Variants in NTAQ1 observed in about 807,000 individuals in gnomAD.
The protein encoded by NTAQ1 is protein N-terminal glutamine amidohydrolase.
A neutral mutation model predicts 28.2 loss-of-function variants in NTAQ1; 21 were observed. The ratio of observed to expected loss-of-function variants is 0.74; its 90% CI spans 0.53 to 1.07. NTAQ1 has a LOEUF of 1.07. Among genes scored for constraint, NTAQ1 ranks in the 50% least tolerant of loss-of-function variants. The pLI is 0.00. For missense variants in NTAQ1, 264 were observed against 256.6 expected (o/e 1.03, Z -0.20); for synonymous variants, 105 against 90.0 (o/e 1.17, Z -0.94).
chr8:123,430,080 C>T, intron 3 of NTAQ1, 47 bp downstream of exon 3: 1 of 1,464,230 alleles, frequency 6.8e-7, no homozygotes, highest in South Asian at 1.2e-5. Flanking sequence ...GACTTGTAAC[C>T]CCTTAGTGTT....
rs747631990 is a variant in NTAQ1, at chr8:123,437,262, C to T, written c.436C>T (p.Arg146Ter). 1.7e-5 allele frequency: 27 copies of T among 1,614,076 alleles called. No homozygotes were observed. Among genetic ancestry groups the T allele is most frequent in the African/African-American group, 2.7e-5 (2 of 75,008 alleles). ...ATATTTGAAGAACTTTGCTTCTGACCGATCTCACATGAAAGACTCCAGTGG... is the reference window on the plus strand; with the variant it reads ...ATATTTGAAGAACTTTGCTTCTGACTGATCTCACATGAAAGACTCCAGTGG... Reference protein sequence around the residue: ...DSYLKNFASDRSHMKDSSGNW... With the variant: ...DSYLKNFASD Residue 146 changes from arginine to a stop codon, truncating the protein, a stop_gained, in exon 5 of 6, where the codon CGA (arginine) becomes TGA (stop). Transcript: ENST00000287387. LOFTEE classifies it high-confidence loss of function.
In NTAQ1 at chr8:123,465,574, CTTTTTTT is replaced by C. The variant is rs71310691; in HGVS notation, c.373-1486_373-1480del. The stretch of plus-strand genomic sequence containing the variant: ...TTGCTTTTTTCACTCAGCATAACAT[CTTTTTTT>C]TTTTTTTTTTTTTTTTTTGAGACAG... On this transcript the variant is annotated intron_variant, in intron 6 of 6. Coordinates refer to the NTAQ1 transcript ENST00000650311. Among the ~76,000 whole-genome samples, 665 of 78,582 alleles carry C rather than the reference CTTTTTTT, an allele frequency of 8.5e-3. 4 individuals carry two copies. Among genetic ancestry groups the C allele is most frequent in the Middle Eastern group, 0.03 (2 of 66 alleles). The allele number at this position is 78,582 out of a possible 152,430, so 51.6% of individuals were successfully genotyped here.
chr8:123,421,957 G>A (rs1477909642), intron 1 of NTAQ1, among the ~76,000 whole-genome samples: 2 of 152,028 alleles, frequency 1.3e-5, no homozygotes, highest in African/African-American at 4.8e-5. Flanking sequence ...TGGGATTACA[G>A]GCGTGAGCCA....
Position 123,441,487 on chromosome 8 carries a change from C to G in NTAQ1, c.*72C>G. ...CAAGCTATCCTTTCATCGAGGACAG[C>G]AAACATTATGGTACAGTTGGCTTGG... On this transcript the variant is annotated 3_prime_UTR_variant, in exon 6 of 6. Transcript: ENST00000287387. 10 of 1,206,452 alleles carry G rather than the reference C, an allele frequency of 8.3e-6. No homozygotes were observed. Among genetic ancestry groups the G allele is most frequent in the Non-Finnish European group, 1.1e-5 (9 of 825,696 alleles). The allele number at this position is 1,206,452 out of a possible 1,614,324, so 74.7% of individuals were successfully genotyped here.
At position 123,422,606 on chromosome 8, in the gene NTAQ1, G is replaced by GTTTTT. The variant is rs112284256; in HGVS notation, c.84-5305_84-5301dup. Among the ~76,000 whole-genome samples the GTTTTT allele has an allele frequency of 7.3e-4, 98 of 134,408 alleles. 1 individual carries two copies. Among genetic ancestry groups the GTTTTT allele is most frequent in the African/African-American group, 2.7e-3 (96 of 35,158 alleles). The allele number at this position is 134,408 out of a possible 152,430, so 88.2% of individuals were successfully genotyped here. ...AGGTTGTCTATTTACTCCATTGATA[G>GTTTTT]TTTTTTTTTTTTTTTTTGCTGTGCA... On this transcript the variant is annotated intron_variant, in intron 1 of 5. Transcript: ENST00000287387.
chr8:123,444,123 C>T (rs1386805986), downstream of NTAQ1, among the ~76,000 whole-genome samples: 2 of 151,078 alleles, frequency 1.3e-5, no homozygotes, highest in African/African-American at 4.9e-5. Flanking sequence ...TCTTAATATT[C>T]AACATGTGTG....
chr8:123,420,408 T>A (rs150632044), intron 1 of NTAQ1, among the ~76,000 whole-genome samples: 1 of 152,262 alleles, frequency 6.6e-6, no homozygotes, highest in East Asian at 1.9e-4. Flanking sequence ...ATAGTAGGAT[T>A]TATATTCCTT....
intron 6 of NTAQ1, among the ~76,000 whole-genome samples, chr8:123,453,272 C>T (rs1815556265): frequency 6.6e-6 from 1 of 152,160 alleles, no homozygotes; most frequent in South Asian, 2.1e-4. Context: ...TTTGCATTTG[C>T]TAGTGACATA....
At chr8:123,432,987 A>G (rs1028296316) in intron 3 of NTAQ1, among the ~76,000 whole-genome samples, 9 of 152,102 alleles carry the variant, frequency 5.9e-5, no homozygotes, top group Non-Finnish European at 1.3e-4. Context: ...TCCTCCTGTA[A>G]TAATTTCAAA....
chr8:123,416,804 C>T lies in NTAQ1; in HGVS notation c.-46C>T, dbSNP rs989131740. The T allele has an allele frequency of 6.6e-6, 10 of 1,504,168 alleles. No homozygotes were observed. In the African/African-American group the frequency reaches 1.3e-4, roughly 19 times the overall value. 93.2% of individuals were successfully genotyped at this position (1,504,168 alleles called of 1,614,324 possible). ...AAGCCCGCCCTTTCCTACGTCTGGT[C>T]CAGTCGGTCTTCCTCCGGCCCGGGC... On this transcript the variant is annotated 5_prime_UTR_variant, in exon 1 of 6. Transcript: ENST00000287387.
At chr8:123,417,076 G>A in intron 1 of NTAQ1, 144 bp downstream of exon 1, 2 of 776,644 alleles carry the variant, frequency 2.6e-6, no homozygotes. Context: ...AGGAGGGAGC[G>A]GGAATGGCAG....
At chr8:123,421,958 G>A (rs949148220) in intron 1 of NTAQ1, among the ~76,000 whole-genome samples, 14 of 152,008 alleles carry the variant, frequency 9.2e-5, no homozygotes, top group African/African-American at 3.1e-4. Flanking sequence ...GGGATTACAG[G>A]CGTGAGCCAC....
intron 1 of NTAQ1, among the ~76,000 whole-genome samples, chr8:123,420,325 G>A (rs895816947): frequency 1.3e-5 from 2 of 152,092 alleles, no homozygotes; most frequent in African/African-American, 2.4e-5. Flanking sequence ...ACCATTGATA[G>A]GTGCCTAGGT....
chr8:123,447,430 G>A (rs1398551697), intron 6 of NTAQ1, among the ~76,000 whole-genome samples: 1 of 152,042 alleles, frequency 6.6e-6, no homozygotes, highest in African/African-American at 2.4e-5. Flanking sequence ...ACTGTCTAGA[G>A]AAACTAACTA....
downstream of NTAQ1, among the ~76,000 whole-genome samples, chr8:123,472,863 T>C (rs1816054256): frequency 6.6e-6 from 1 of 152,160 alleles, no homozygotes; most frequent in Non-Finnish European, 1.5e-5. Flanking sequence ...GAGCTGAGCT[T>C]TCATGTGTAC....
At chr8:123,424,039 C>CG (rs1294705531) in intron 1 of NTAQ1, among the ~76,000 whole-genome samples, 1 of 149,366 alleles carries the variant, frequency 6.7e-6, no homozygotes, top group Non-Finnish European at 1.5e-5. Flanking sequence ...CATGCTCCTA[C>CG]GCCCGGCTGA....
chr8:123,472,296 C>A (rs977086736), downstream of NTAQ1, among the ~76,000 whole-genome samples: 1 of 152,158 alleles, frequency 6.6e-6, no homozygotes, highest in African/African-American at 2.4e-5. Context: ...TATTAATTGC[C>A]CTCTGCTGGT....
chr8:123,470,363 T>G (rs1472884152), downstream of NTAQ1, among the ~76,000 whole-genome samples: 2 of 152,228 alleles, frequency 1.3e-5, no homozygotes, highest in Non-Finnish European at 2.9e-5. Flanking sequence ...CTGTGTTCAC[T>G]TATCTTTGCT....
intron 6 of NTAQ1, among the ~76,000 whole-genome samples, chr8:123,466,124 T>G (rs1191543980): frequency 6.6e-6 from 1 of 152,160 alleles, no homozygotes; most frequent in Non-Finnish European, 1.5e-5. Context: ...TGGAATGGAA[T>G]GCTTCTCCCT....
Sources: gnomAD v4.1 joint callset for allele counts (sites outside exome capture counted in the v4.1 genomes callset) on GRCh38, gnomAD v4.1.1 for gene constraint, MANE v1.5 for transcripts, NCBI Gene and HGNC (gene_info 2026-07-23, HGNC 2026-07-21) for gene names.